NCAPD2: variants seen among roughly 807,000 people sequenced by gnomAD.
The protein encoded by NCAPD2 is condensin complex subunit 1.
NCAPD2 carries 100 observed loss-of-function variants against 164.5 expected under a neutral mutation model. The observed-to-expected ratio is 0.61, with a 90% CI of 0.52 to 0.72. NCAPD2 has a LOEUF of 0.72. Among genes scored for constraint, NCAPD2 ranks in the 30% least tolerant of loss-of-function variants. The pLI, the probability that NCAPD2 is intolerant of heterozygous loss-of-function variation, is 0.00. For synonymous variants in NCAPD2, 585 were observed against 642.6 expected (o/e 0.91, Z 1.36); for missense variants, 1,560 against 1,749.2 (o/e 0.89, Z 1.93).
At chr12:6,515,830 C>A (rs1946193296) in intron 9 of NCAPD2, among the ~76,000 whole-genome samples, 1 of 152,098 alleles carries the variant, frequency 6.6e-6, no homozygotes, top group Admixed American at 6.6e-5. Flanking sequence ...GTTTCTGTCT[C>A]ATTTTCTGTC....
intron 10 of NCAPD2, 152 bp from the exon 11 acceptor site, chr12:6,517,213 T>C (rs112569833): frequency 7.7e-7 from 1 of 1,293,100 alleles, no homozygotes; most frequent in Non-Finnish European, 1.1e-6. Context: ...GTAATGTGTC[T>C]TACCACTACA....
At position 6,531,013 on chromosome 12, in the gene NCAPD2, C is replaced by G; in HGVS notation, c.4057C>G (p.Gln1353Glu). 1.2e-6 allele frequency: 2 copies of G among 1,614,164 alleles called. No individual in the cohort carries two copies. The highest frequency in any genetic ancestry group is 2.2e-5 in the South Asian group (2 of 91,076). Residue 1353 changes from glutamine to glutamate, a missense_variant, in exon 31 of 32, where the codon CAG (glutamine) becomes GAG (glutamate). Transcript: ENST00000315579. The surrounding 1 kb of genome is among the most constrained non-coding windows in gnomAD (Gnocchi z 4.1). ...RRTTRRHPNT[Q>E]QRASKKKPKV... is the part of the protein sequence containing the mutation. ...TACTACCCGTCGGCATCCAAACACC[C>G]AGCAGCGAGCTTCCAAAAAGAAACC...
Position 6,514,505 on chromosome 12 carries a change from C to A in NCAPD2, c.757C>A (p.His253Asn). Residue 253 changes from histidine (H) to asparagine (N), a missense_variant, in exon 8 of 32, where the codon CAC becomes AAC. By Grantham distance (68) the His-to-Asn change is moderately conservative. Transcript: ENST00000315579. ...KIIQMLQHFE[H>N]LAPVLVAAVS... ...CATCCAGATGCTGCAGCACTTTGAA[C>A]ACCTGGCACCTGTACTGGTTGCAGC... 1 of 1,614,224 alleles carries A rather than the reference C, an allele frequency of 6.2e-7. No individual in the cohort carries two copies. Among genetic ancestry groups the A allele is most frequent in the Non-Finnish European group, 8.5e-7 (1 of 1,180,040 alleles).
chr12:6,520,652 T>A (rs913860495), intron 13 of NCAPD2, among the ~76,000 whole-genome samples: 1 of 152,242 alleles, frequency 6.6e-6, no homozygotes, highest in Non-Finnish European at 1.5e-5. Flanking sequence ...TTATTGTTTC[T>A]AAACTTAGGA....
At chr12:6,516,668 G>A (rs1458328805) in intron 9 of NCAPD2, among the ~76,000 whole-genome samples, 160 bp from the exon 10 acceptor site, 2 of 152,160 alleles carry the variant, frequency 1.3e-5, no homozygotes, top group African/African-American at 4.8e-5. Context: ...TTTGGCCCTT[G>A]TTCTAGCATT....
intron 2 of NCAPD2, among the ~76,000 whole-genome samples, chr12:6,501,934 G>A (rs1043152829): frequency 6.6e-6 from 1 of 152,214 alleles, no homozygotes. Flanking sequence ...AGCTGTTTCA[G>A]GAGATGGTGG....
chr12:6,518,521 T>TTTTTTTTTTG, intron 13 of NCAPD2, among the ~76,000 whole-genome samples: 1 of 118,344 alleles, frequency 8.4e-6, no homozygotes, highest in Non-Finnish European at 1.7e-5. Flanking sequence ...TTTTTTTTTT[T>TTTTTTTTTTG]TTTTTTTTTT....
At chr12:6,504,630 G>T (rs1462983915) in intron 2 of NCAPD2, among the ~76,000 whole-genome samples, 1 of 152,062 alleles carries the variant, frequency 6.6e-6, no homozygotes, top group Admixed American at 6.6e-5. Context: ...GACCTCAAGT[G>T]ATCTGTCCAC....
chr12:6,517,115 C>T (rs1267847298), intron 10 of NCAPD2, 90 bp downstream of exon 10: 1 of 1,448,614 alleles, frequency 6.9e-7, no homozygotes, highest in Non-Finnish European at 9.6e-7. Context: ...ATATCTGCCC[C>T]AAAGAGGTCT....
chr12:6,526,179 C>A lies in NCAPD2; in HGVS notation c.2460C>A (p.Ala820=), dbSNP rs917040161. ...RLAQQVCHAI[A]NISDRRKPSL... Reference sequence around the variant, plus strand: ...CCCAGCAGGTGTGCCATGCCATTGCCAACATCTCGGACAGGAGAAAGGTAT... The same window carrying A: ...CCCAGCAGGTGTGCCATGCCATTGCAAACATCTCGGACAGGAGAAAGGTAT... The change falls in exon 19 of 32, where the codon GCC becomes GCA. Residue 820 remains alanine, a synonymous_variant. Transcript: ENST00000315579. 1 of 1,614,182 alleles carries A rather than the reference C, an allele frequency of 6.2e-7. No individual in the cohort carries two copies. The highest frequency in any genetic ancestry group is 8.5e-7 in the Non-Finnish European group (1 of 1,180,050).
At position 6,504,210 on chromosome 12, in the gene NCAPD2, TATATATAGATATAG is replaced by T. The variant is rs1201161238; in HGVS notation, c.128-5499_128-5486del. Among the ~76,000 whole-genome samples, 32 of 22,116 alleles carry T rather than the reference TATATATAGATATAG, an allele frequency of 1.4e-3. 1 individual carries two copies. The highest frequency in any genetic ancestry group is 0.013 in the African/African-American group (29 of 2,276). The allele number at this position is 22,116 out of a possible 152,430, so 14.5% of individuals were successfully genotyped here. On this transcript the variant is annotated intron_variant, in intron 2 of 31. Coordinates refer to ENST00000315579, the MANE Select transcript of NCAPD2 (RefSeq NM_014865.4). ...ATATATATATATATATATATATATA[TATATATAGATATAG>T]ATATATATATATATATATACCATTG...
chr12:6,527,124 GA>G, intron 22 of NCAPD2, 61 bp downstream of exon 22: 1 of 1,475,760 alleles, frequency 6.8e-7, no homozygotes, highest in South Asian at 1.4e-5. Flanking sequence ...GAACTGAGCT[GA>G]TCCCCTTCCG....
chr12:6,515,798 C>T (rs758184614), intron 9 of NCAPD2, among the ~76,000 whole-genome samples: 1 of 152,162 alleles, frequency 6.6e-6, no homozygotes, highest in Non-Finnish European at 1.5e-5. Flanking sequence ...GACTTGCTGG[C>T]ACTCTTAAGG....
At chr12:6,525,825 T>G (rs1946312090) in intron 18 of NCAPD2, 109 bp downstream of exon 18, 34 of 1,457,842 alleles carry the variant, frequency 2.3e-5, no homozygotes, top group Non-Finnish European at 3.2e-5. Flanking sequence ...TGAGCTCTGC[T>G]GTGAGTTATA....
In NCAPD2 at chr12:6,528,827, A is replaced by C; in HGVS notation, c.3448A>C (p.Lys1150Gln). The C allele has an allele frequency of 6.2e-7, 1 of 1,613,836 alleles. No homozygotes were observed. The highest frequency in any genetic ancestry group is 8.5e-7 in the Non-Finnish European group (1 of 1,179,782). The change falls in exon 26 of 32, where the codon AAG becomes CAG. Residue 1150 changes from lysine to glutamine, a missense_variant. By Grantham distance (53) the Lys-to-Gln change is moderately conservative (BLOSUM62 1). Transcript: ENST00000315579. This position sits in a 1 kb window ranked among gnomAD's most constrained non-coding sequence, Gnocchi z 5.1. ...DPEPQIAALA[K>Q]NFFNELSHKG... ...CGAGCCTCAGATTGCTGCCCTGGCC[A>C]AGAACTTCTTCAATGAGCTCTCCCA... is the stretch of plus-strand genomic sequence containing the variant.
intron 22 of NCAPD2, 62 bp from the exon 23 acceptor site, chr12:6,527,715 A>G: frequency 6.7e-7 from 1 of 1,482,396 alleles, no homozygotes; most frequent in Non-Finnish European, 9.3e-7. Context: ...AAAACAAAGT[A>G]TGGGCTGGAA....
At chr12:6,497,496 T>C (rs1304880771) in intron 2 of NCAPD2, among the ~76,000 whole-genome samples, 1 of 152,188 alleles carries the variant, frequency 6.6e-6, no homozygotes, top group Admixed American at 6.5e-5. Flanking sequence ...TTCCCCTCCC[T>C]GTGTCCATGT....
At chr12:6,502,332 G>A (rs1036472119) in intron 2 of NCAPD2, among the ~76,000 whole-genome samples, 10 of 152,254 alleles carry the variant, frequency 6.6e-5, no homozygotes, top group Non-Finnish European at 1.0e-4. Flanking sequence ...GGAAGGGAAA[G>A]CCTTTAACTG....
At position 6,528,766 on chromosome 12, in the gene NCAPD2, G is replaced by A. The variant is rs1445599753; in HGVS notation, c.3387G>A (p.Gly1129=). The A allele has an allele frequency of 5.0e-6, 8 of 1,614,028 alleles. No individual in the cohort carries two copies. Among genetic ancestry groups the A allele is most frequent in the South Asian group, 1.1e-5 (1 of 91,088 alleles). ...LILKDMVKVK[G]QVSEMAVLLI... is the part of the protein sequence containing the mutation. Reference sequence around the variant, plus strand: ...TCAAGGACATGGTGAAGGTGAAGGGGCAGGTCAGCGAGATGGCGGTGCTGC... The same window carrying A: ...TCAAGGACATGGTGAAGGTGAAGGGACAGGTCAGCGAGATGGCGGTGCTGC... Residue 1129 remains glycine, a synonymous_variant, in exon 26 of 32, where the codon GGG becomes GGA. Transcript: ENST00000315579. This position sits in a 1 kb window ranked among gnomAD's most constrained non-coding sequence, Gnocchi z 5.1.
Sources: gnomAD v4.1 joint callset for allele counts (sites outside exome capture counted in the v4.1 genomes callset) on GRCh38, gnomAD v4.1.1 for gene constraint, Gnocchi (gnomAD v3.1) non-coding constraint, MANE v1.5 for transcripts, NCBI Gene and HGNC (gene_info 2026-07-23, HGNC 2026-07-21) for gene names.